Variants in EPYC observed in about 807,000 individuals in gnomAD.
EPYC encodes epiphycan, also known as dermatan sulfate proteoglycan 3.
In EPYC, 28 loss-of-function variants were observed where a neutral mutation model predicts 30.1. The ratio of observed to expected loss-of-function variants is 0.93; its 90% CI spans 0.69 to 1.28. EPYC has a LOEUF of 1.28. Among genes scored for constraint, EPYC ranks in the 50% most tolerant of loss-of-function variants. The pLI is 0.00. For missense variants in EPYC, 382 were observed against 383.5 expected (o/e 1.00, Z 0.03); for synonymous variants, 144 against 141.4 (o/e 1.02, Z -0.13).
chr12:90,983,314 G>A (rs1396275246), intron 2 of EPYC, among the ~76,000 whole-genome samples: 1 of 152,132 alleles, frequency 6.6e-6, no homozygotes, highest in Non-Finnish European at 1.5e-5. Flanking sequence ...TCACCAAGCG[G>A]TGAGTACCAT....
At chr12:90,993,044 T>C (rs1241797475) in intron 2 of EPYC, among the ~76,000 whole-genome samples, 2 of 152,122 alleles carry the variant, frequency 1.3e-5, no homozygotes. Context: ...TGGATGAGGC[T>C]AAACCAAGTT....
chr12:90,995,637 A>G (rs1021703439), intron 2 of EPYC, among the ~76,000 whole-genome samples: 4 of 151,922 alleles, frequency 2.6e-5, no homozygotes, highest in Non-Finnish European at 5.9e-5. Flanking sequence ...TATTTGAGTT[A>G]TCTTATGTTT....
intron 3 of EPYC, among the ~76,000 whole-genome samples, chr12:90,977,395 A>G (rs550057307): frequency 2.6e-5 from 4 of 152,272 alleles, no homozygotes; most frequent in Admixed American, 2.6e-4. Flanking sequence ...TCTGCAGGCC[A>G]TGCAACATGG....
At chr12:90,973,528 T>C (rs913737642) in intron 3 of EPYC, among the ~76,000 whole-genome samples, 4 of 152,190 alleles carry the variant, frequency 2.6e-5, no homozygotes, top group African/African-American at 7.2e-5. Flanking sequence ...ATGAATGTGA[T>C]AAATGTCATG....
At chr12:90,972,125 T>C (rs1877067221) in intron 4 of EPYC, 123 bp from the exon 5 acceptor site, 12 of 573,396 alleles carry the variant, frequency 2.1e-5, no homozygotes, top group Non-Finnish European at 8.8e-6. Context: ...GAGATGATTA[T>C]CTTTCTTTTT....
At chr12:90,988,977 A>G (rs1208024013) in intron 2 of EPYC, among the ~76,000 whole-genome samples, 1 of 152,122 alleles carries the variant, frequency 6.6e-6, no homozygotes, top group African/African-American at 2.4e-5. Flanking sequence ...AAGGAAAATG[A>G]AACAGCTGAA....
intron 2 of EPYC, among the ~76,000 whole-genome samples, chr12:90,991,670 A>G (rs1028611722): frequency 6.6e-6 from 1 of 152,214 alleles, no homozygotes; most frequent in East Asian, 1.9e-4. Flanking sequence ...TTTAAAAACA[A>G]CTGCATGTGA....
chr12:90,978,680 T>C (rs1877254902), intron 2 of EPYC, among the ~76,000 whole-genome samples: 3 of 152,258 alleles, frequency 2.0e-5, no homozygotes, highest in African/African-American at 7.2e-5. Flanking sequence ...CCAGCTCTCA[T>C]TCTACTCCCC....
At chr12:90,965,586 ATT>A (rs1876873802) in intron 6 of EPYC, among the ~76,000 whole-genome samples, 1 of 152,078 alleles carries the variant, frequency 6.6e-6, no homozygotes, top group Admixed American at 6.6e-5. Flanking sequence ...GTTTTTGTTC[ATT>A]GTTAGTGTAT....
chr12:90,971,228 G>A (rs1225015084), intron 5 of EPYC, among the ~76,000 whole-genome samples: 3 of 152,106 alleles, frequency 2.0e-5, no homozygotes, highest in African/African-American at 4.8e-5. Flanking sequence ...TGGTGCTTCA[G>A]GTAGCCACCA....
chr12:90,966,848 A>G (rs1299497815), intron 6 of EPYC, among the ~76,000 whole-genome samples: 1 of 152,092 alleles, frequency 6.6e-6, no homozygotes, highest in Non-Finnish European at 1.5e-5. Flanking sequence ...TCCATTCTTT[A>G]GTCAATTTCA....
At chr12:90,970,216 T>G in intron 5 of EPYC, 77 bp from the exon 6 acceptor site, 9 of 964,418 alleles carry the variant, frequency 9.3e-6, no homozygotes, top group East Asian at 2.5e-5. Flanking sequence ...ACAGCTGTAT[T>G]TCCCATTCCC....
intron 2 of EPYC, among the ~76,000 whole-genome samples, chr12:90,991,213 T>C (rs148404004): frequency 9.2e-4 from 140 of 152,262 alleles, no homozygotes; most frequent in African/African-American, 3.1e-3. Context: ...GAGATATTCA[T>C]GCCTATATGT....
At chr12:90,995,557 C>T (rs532836744) in intron 2 of EPYC, among the ~76,000 whole-genome samples, 4 of 151,906 alleles carry the variant, frequency 2.6e-5, no homozygotes, top group South Asian at 2.1e-4. Context: ...GATGAAAACT[C>T]GGGGCAAAAT....
chr12:90,974,503 G>T (rs529358878), intron 3 of EPYC, among the ~76,000 whole-genome samples: 180 of 152,102 alleles, frequency 1.2e-3, no homozygotes, highest in Non-Finnish European at 2.2e-3. Flanking sequence ...TTGATGAAGG[G>T]AGTGATTAAC....
At chr12:90,967,867 A>G (rs913204945) in intron 6 of EPYC, among the ~76,000 whole-genome samples, 5 of 152,090 alleles carry the variant, frequency 3.3e-5, no homozygotes, top group African/African-American at 4.8e-5. Flanking sequence ...GCTACTTGGG[A>G]GACTAGGGTG....
intron 2 of EPYC, among the ~76,000 whole-genome samples, chr12:90,979,646 T>C (rs986569649): frequency 6.6e-6 from 1 of 152,180 alleles, no homozygotes; most frequent in African/African-American, 2.4e-5. Flanking sequence ...TGTGCTTCCA[T>C]AGAGTCTCTC....
At chr12:90,972,425 T>C (rs1156816730) in intron 4 of EPYC, 1 of 169,158 alleles carries the variant, frequency 5.9e-6, no homozygotes, top group East Asian at 1.7e-4. Flanking sequence ...AGTCAGAATT[T>C]AGGCTTACAT....
At chr12:91,003,194 T>C (rs1877872520) in intron 1 of EPYC, among the ~76,000 whole-genome samples, 1 of 152,182 alleles carries the variant, frequency 6.6e-6, no homozygotes, top group South Asian at 2.1e-4. Context: ...TTGTTTGTTT[T>C]TTCTGTTACT....
Sources: allele counts gnomAD v4.1 joint callset (sites outside exome capture counted in the v4.1 genomes callset), GRCh38; gene constraint gnomAD v4.1.1; transcripts MANE v1.5; gene names NCBI Gene and HGNC (gene_info 2026-07-23, HGNC 2026-07-21).